Variants in GATAD2A observed in about 807,000 individuals in gnomAD.
GATAD2A encodes transcriptional repressor p66-alpha.
A neutral mutation model predicts 68.5 loss-of-function variants in GATAD2A; 12 were observed. That is an observed-to-expected ratio of 0.18 (90% CI 0.11 to 0.28). The LOEUF (loss-of-function observed/expected upper bound fraction) is 0.28, where lower values mean the gene tolerates loss of function less well. GATAD2A is among the 10% of genes least tolerant of loss of function. GATAD2A has a pLI of 1.00. For missense variants in GATAD2A, 755 were observed against 868.5 expected, an observed-to-expected ratio of 0.87 and a Z score of 1.64; for synonymous variants, 410 against 375.3, an observed-to-expected ratio of 1.09 and a Z score of -1.07.
chr19:19,393,392 T>C (rs993133956), intron 1 of GATAD2A, among the ~76,000 whole-genome samples: 15 of 152,244 alleles, frequency 9.9e-5, no homozygotes, highest in Admixed American at 4.6e-4. Context: ...TGTTTTCTAG[T>C]GCAATTTACA....
intron 11 of GATAD2A, 54 bp downstream of exon 11, chr19:19,502,580 CTT>C: frequency 7.3e-7 from 1 of 1,362,014 alleles, no homozygotes; most frequent in Non-Finnish European, 1.0e-6. Flanking sequence ...GGGGTTCACC[CTT>C]CCTTAACCGA....
intron 2 of GATAD2A, among the ~76,000 whole-genome samples, chr19:19,476,642 A>G (rs1311766984): frequency 6.6e-6 from 1 of 152,190 alleles, no homozygotes; most frequent in Non-Finnish European, 1.5e-5. Flanking sequence ...CCTGTCCCTC[A>G]TGGTCCCCTA....
intron 1 of GATAD2A, among the ~76,000 whole-genome samples, chr19:19,435,811 C>G (rs560951617): frequency 6.6e-6 from 1 of 152,316 alleles, no homozygotes; most frequent in African/African-American, 2.4e-5. Context: ...GATCGTGCCA[C>G]TTCACTCCAG....
At chr19:19,446,548 T>C (rs1447734263) in intron 1 of GATAD2A, among the ~76,000 whole-genome samples, 5 of 152,098 alleles carry the variant, frequency 3.3e-5, no homozygotes, top group African/African-American at 1.2e-4. Context: ...GTCCAAATTA[T>C]CTTTTTTCTT....
At chr19:19,500,196 C>T (rs147568314) in intron 8 of GATAD2A, among the ~76,000 whole-genome samples, 35 of 152,342 alleles carry the variant, frequency 2.3e-4, no homozygotes, top group African/African-American at 8.2e-4. Flanking sequence ...CCCCCAGCCT[C>T]GCACCATGTC....
chr19:19,472,026 A>G (rs987298787), intron 2 of GATAD2A, among the ~76,000 whole-genome samples: 14 of 152,224 alleles, frequency 9.2e-5, no homozygotes, highest in African/African-American at 2.4e-4. Flanking sequence ...CCATAGATGC[A>G]TGCTACTACA....
upstream of GATAD2A, among the ~76,000 whole-genome samples, chr19:19,401,539 A>T (rs1425009626): frequency 2.0e-5 from 3 of 151,910 alleles, no homozygotes; most frequent in Non-Finnish European, 4.4e-5. Flanking sequence ...TTATGAATAC[A>T]TTTTCTGCAT....
intron 1 of GATAD2A, among the ~76,000 whole-genome samples, chr19:19,410,006 C>T (rs994883526): frequency 6.6e-6 from 1 of 152,182 alleles, no homozygotes; most frequent in Non-Finnish European, 1.5e-5. Context: ...CCACGAAACC[C>T]TCTAGGTGTG....
intron 2 of GATAD2A, among the ~76,000 whole-genome samples, chr19:19,476,981 G>T (rs1342644431): frequency 6.6e-6 from 1 of 152,210 alleles, no homozygotes; most frequent in Non-Finnish European, 1.5e-5. Flanking sequence ...CTGACAGCCT[G>T]GATCGGCCAT....
intron 2 of GATAD2A, among the ~76,000 whole-genome samples, chr19:19,480,363 G>A (rs1352818839): frequency 6.6e-6 from 1 of 152,174 alleles, no homozygotes; most frequent in Non-Finnish European, 1.5e-5. Flanking sequence ...CTATCCGTTG[G>A]GAAGTTGTTG....
chr19:19,474,373 A>G (rs548725460), intron 2 of GATAD2A, among the ~76,000 whole-genome samples: 4 of 152,038 alleles, frequency 2.6e-5, no homozygotes, highest in South Asian at 2.1e-4. Context: ...CAGAAACCTT[A>G]CCATCCCACT....
intron 1 of GATAD2A, among the ~76,000 whole-genome samples, chr19:19,438,324 C>T (rs2054604002): frequency 6.6e-6 from 1 of 152,196 alleles, no homozygotes; most frequent in Admixed American, 6.5e-5. Context: ...TGGCTCACTG[C>T]AGCCTCAACA....
At chr19:19,475,999 G>C (rs1012079869) in intron 2 of GATAD2A, among the ~76,000 whole-genome samples, 1 of 152,152 alleles carries the variant, frequency 6.6e-6, no homozygotes, top group South Asian at 2.1e-4. Context: ...CATCACTGCT[G>C]GTCTTCCTGA....
intron 2 of GATAD2A, 39 bp from the exon 3 acceptor site, chr19:19,492,266 TG>T: frequency 6.3e-7 from 1 of 1,576,382 alleles, no homozygotes; most frequent in Non-Finnish European, 8.6e-7. Flanking sequence ...TGGGTCCAGC[TG>T]TCAAGGGCGC....
chr19:19,441,863 C>T (rs1293999436), intron 1 of GATAD2A: 2 of 152,810 alleles, frequency 1.3e-5, no homozygotes, highest in Non-Finnish European at 2.9e-5. Context: ...CGTGCCTGGC[C>T]TGGTTTTTGT....
chr19:19,454,735 C>CACCG (rs1555707197), intron 1 of GATAD2A, among the ~76,000 whole-genome samples: 5 of 130,862 alleles, frequency 3.8e-5, no homozygotes, highest in Admixed American at 2.3e-4. Context: ...TGTGCCCCCC[C>CACCG]CCACCCCCTT....
At chr19:19,408,589 A>C (rs2050563968) in intron 1 of GATAD2A, among the ~76,000 whole-genome samples, 1 of 152,176 alleles carries the variant, frequency 6.6e-6, no homozygotes, top group Non-Finnish European at 1.5e-5. Context: ...TCAACTCTTC[A>C]GTAGCTCCTC....
chr19:19,451,251 C>T (rs907517141), intron 1 of GATAD2A, among the ~76,000 whole-genome samples: 4 of 151,624 alleles, frequency 2.6e-5, no homozygotes, highest in African/African-American at 7.3e-5. Context: ...TGTGGTGGTG[C>T]GTGCCTGTAA....
rs182065368 is a variant in GATAD2A at position 19,399,595 on chromosome 19, T to C, written c.-7+13457T>C. On this transcript the variant is annotated intron_variant, in intron 1 of 11. Transcript: ENST00000360315. Reference sequence around the variant, plus strand: ...TTTTGACCTAAATTTGAAATAAATATCTTAGTCTTCCCAAAACAGGAGTTA... The same window carrying C: ...TTTTGACCTAAATTTGAAATAAATACCTTAGTCTTCCCAAAACAGGAGTTA... 5.3e-3 allele frequency among the ~76,000 whole-genome samples: 802 copies of C among 152,314 alleles called. 5 individuals carry two copies. The highest frequency in any genetic ancestry group is 9.1e-3 in the Non-Finnish European group (619 of 68,032).
Sources: allele counts gnomAD v4.1 joint callset (sites outside exome capture counted in the v4.1 genomes callset), GRCh38; gene constraint gnomAD v4.1.1; transcripts MANE v1.5; gene names NCBI Gene and HGNC (gene_info 2026-07-23, HGNC 2026-07-21).